The following PXDNL variants were observed in gnomAD, a reference collection of about 807,000 sequenced individuals.
PXDNL encodes the protein probable oxidoreductase PXDNL.
A neutral mutation model predicts 150.8 loss-of-function variants in PXDNL; 145 were observed. The observed-to-expected ratio is 0.96, with a 90% CI of 0.84 to 1.10. The LOEUF is 1.10. Among genes scored for constraint, PXDNL ranks in the 50% least tolerant of loss-of-function variants. The pLI, the probability that PXDNL is intolerant of heterozygous loss-of-function variation, is 0.00. For missense variants in PXDNL, 2,087 were observed against 1,873.9 expected (o/e 1.11, Z -2.10); for synonymous variants, 757 against 725.7 (o/e 1.04, Z -0.69).
chr8:51,688,539 G>A (rs1436798026), intron 1 of PXDNL, among the ~76,000 whole-genome samples: 1 of 152,088 alleles, frequency 6.6e-6, no homozygotes, highest in Non-Finnish European at 1.5e-5. Context: ...GCGGCCAGTT[G>A]GAGGAAGAGG....
intron 4 of PXDNL, among the ~76,000 whole-genome samples, chr8:51,551,485 A>G (rs1432513005): frequency 6.6e-6 from 1 of 152,216 alleles, no homozygotes; most frequent in Non-Finnish European, 1.5e-5. Context: ...AGGCAAGTAG[A>G]ACAATGGAAT....
chr8:51,488,062 C>T (rs761459627), intron 5 of PXDNL, among the ~76,000 whole-genome samples: 28 of 151,934 alleles, frequency 1.8e-4, no homozygotes, highest in African/African-American at 5.1e-4. Context: ...TTCAAAGTTC[C>T]GGGGAAAAGA....
chr8:51,359,861 G>C (rs1586032565), intron 19 of PXDNL, among the ~76,000 whole-genome samples: 1 of 152,186 alleles, frequency 6.6e-6, no homozygotes, highest in East Asian at 1.9e-4. Flanking sequence ...TAGAAATCAG[G>C]AAAGGAACAC....
At chr8:51,562,816 T>C (rs1009617504) in intron 3 of PXDNL, among the ~76,000 whole-genome samples, 13 of 151,926 alleles carry the variant, frequency 8.6e-5, no homozygotes, top group Admixed American at 2.0e-4. Flanking sequence ...GTAAGATGTA[T>C]CAAGGCATAA....
At position 51,648,197 on chromosome 8, in the gene PXDNL, T is replaced by A. The variant is rs576554421; in HGVS notation, c.236+6492A>T. On this transcript the variant is annotated intron_variant, in intron 2 of 22. Transcript: ENST00000356297. ...ATGATAATAAACTTTTACCTTTCTG[T>A]AGTAGGCTGAATAATGGCCACCCAA... Among the ~76,000 whole-genome samples, 23 of 152,352 alleles carry A rather than the reference T, an allele frequency of 1.5e-4. 1 individual carries two copies. The highest frequency in any genetic ancestry group is 5.3e-4 in the African/African-American group (22 of 41,576).
At chr8:51,429,584 C>CA (rs1008050833) in intron 12 of PXDNL, among the ~76,000 whole-genome samples, 12 of 150,730 alleles carry the variant, frequency 8.0e-5, no homozygotes, top group African/African-American at 2.9e-4. Context: ...CAAAATAAAG[C>CA]AAAAAAAGTC....
At chr8:51,722,865 C>T (rs1816756331) in intron 1 of PXDNL, among the ~76,000 whole-genome samples, 1 of 151,646 alleles carries the variant, frequency 6.6e-6, no homozygotes, top group Non-Finnish European at 1.5e-5. Flanking sequence ...AATAGGAGTG[C>T]CTGTTCTCAT....
At chr8:51,530,019 A>T (rs1811860463) in intron 4 of PXDNL, among the ~76,000 whole-genome samples, 1 of 152,200 alleles carries the variant, frequency 6.6e-6, no homozygotes, top group South Asian at 2.1e-4. Flanking sequence ...CTCTCCTGTG[A>T]GGAAGCACTC....
intron 12 of PXDNL, among the ~76,000 whole-genome samples, chr8:51,440,569 A>C (rs1417225567): frequency 6.6e-6 from 1 of 152,120 alleles, no homozygotes; most frequent in Middle Eastern, 3.4e-3. Flanking sequence ...ATCCCACAAC[A>C]CTCTACATAG....
rs575755938 is a variant in PXDNL, at chr8:51,763,690, A to G, written c.164+45491T>C. Among the ~76,000 whole-genome samples, 3 of 152,312 alleles carry G rather than the reference A, an allele frequency of 2.0e-5. 1 individual carries two copies. In the South Asian group the frequency reaches 6.2e-4, roughly 32 times the overall value. On this transcript the variant is annotated intron_variant, in intron 1 of 22. Transcript: ENST00000356297. Reference sequence around the variant, plus strand: ...CTCTGAAAAAAAAAATTTATTCCTGAATATTTTATACTTTTATGCTATTAT... The same window carrying G: ...CTCTGAAAAAAAAAATTTATTCCTGGATATTTTATACTTTTATGCTATTAT...
chr8:51,651,092 C>T (rs1815023539), intron 2 of PXDNL, among the ~76,000 whole-genome samples: 1 of 152,080 alleles, frequency 6.6e-6, no homozygotes, highest in South Asian at 2.1e-4. Flanking sequence ...TATCTACTAG[C>T]ATGAAATAAA....
chr8:51,475,191 T>C, intron 6 of PXDNL, 50 bp from the exon 7 acceptor site: 1 of 1,527,338 alleles, frequency 6.5e-7, no homozygotes, highest in Non-Finnish European at 8.9e-7. Flanking sequence ...TATTAATTTC[T>C]ATGATGAATC....
intron 1 of PXDNL, among the ~76,000 whole-genome samples, chr8:51,683,801 G>GA (rs1242302439): frequency 6.6e-5 from 10 of 152,300 alleles, no homozygotes; most frequent in African/African-American, 2.4e-4. Context: ...AGGCATGCGA[G>GA]ACTGATGTGT....
chr8:51,725,538 T>A (rs1399272344), intron 1 of PXDNL, among the ~76,000 whole-genome samples: 1 of 152,204 alleles, frequency 6.6e-6, no homozygotes, highest in East Asian at 1.9e-4. Flanking sequence ...ACATTCAGGG[T>A]CAGAGTGTTC....
At chr8:51,446,340 C>T (rs1272736944) in intron 12 of PXDNL, among the ~76,000 whole-genome samples, 4 of 152,268 alleles carry the variant, frequency 2.6e-5, no homozygotes, top group African/African-American at 7.2e-5. Flanking sequence ...GTGCTGAAAA[C>T]GCAGTTTAGG....
chr8:51,608,565 C>T (rs183354902), intron 2 of PXDNL, among the ~76,000 whole-genome samples: 3,599 of 147,940 alleles, frequency 0.024, 151 homozygotes, highest in Admixed American at 0.034. Context: ...AGGCCGGGCG[C>T]GGTGGCTCAC....
At chr8:51,649,237 G>A (rs1350252054) in intron 2 of PXDNL, among the ~76,000 whole-genome samples, 1 of 152,132 alleles carries the variant, frequency 6.6e-6, no homozygotes. Context: ...TTGCAGCACC[G>A]ACATAGACCC....
intron 19 of PXDNL, among the ~76,000 whole-genome samples, chr8:51,369,379 T>C (rs1018528073): frequency 2.6e-5 from 4 of 152,228 alleles, no homozygotes; most frequent in Admixed American, 1.3e-4. Flanking sequence ...TTTCTGTTAA[T>C]TGGGAAGTGT....
At chr8:51,331,569 CA>C (rs1374497112) in intron 21 of PXDNL, among the ~76,000 whole-genome samples, 15 of 152,106 alleles carry the variant, frequency 9.9e-5, no homozygotes, top group Non-Finnish European at 2.2e-4. Context: ...AGCTGGGAGG[CA>C]GAAAGCCTGA....
Sources: gnomAD v4.1 joint callset for allele counts (sites outside exome capture counted in the v4.1 genomes callset) on GRCh38, gnomAD v4.1.1 for gene constraint, MANE v1.5 for transcripts, NCBI Gene and HGNC (gene_info 2026-07-23, HGNC 2026-07-21) for gene names.